The following RYR2 variants were observed in gnomAD, a reference collection of about 807,000 sequenced individuals.
RYR2 encodes the protein cardiac muscle ryanodine receptor-calcium release channel.
In RYR2, 227 loss-of-function variants were observed where a neutral mutation model predicts 601.1. The ratio of observed to expected loss-of-function variants is 0.38; its 90% CI spans 0.34 to 0.42. The LOEUF is 0.42. Ranked by LOEUF, RYR2 falls within the 10% of genes least tolerant of loss-of-function variation. The probability of loss-of-function intolerance (pLI) is 1.00; values close to 1 mark genes in which losing one functional copy is unlikely to be tolerated. For synonymous variants in RYR2, 2,223 were observed against 2,175.1 expected (o/e 1.02, Z -0.61); for missense variants, 4,646 against 6,156.5 (o/e 0.75, Z 8.21).
chr1:237,800,140 A>AAAT (rs1659788248), intron 97 of RYR2: 1 of 152,340 alleles, frequency 6.6e-6, no homozygotes, highest in African/African-American at 2.4e-5. Flanking sequence ...TAGAGATGGA[A>AAAT]AATAACTCAT....
intron 12 of RYR2, among the ~76,000 whole-genome samples, chr1:237,436,878 G>A (rs990994950): frequency 6.7e-6 from 1 of 148,850 alleles, no homozygotes; most frequent in South Asian, 2.2e-4. Context: ...TATATATCTA[G>A]TATGTATATA....
At chr1:237,293,697 A>G (rs1201885515) in intron 2 of RYR2, among the ~76,000 whole-genome samples, 11 of 152,208 alleles carry the variant, frequency 7.2e-5, no homozygotes, top group Admixed American at 7.2e-4. Flanking sequence ...GAACACTCAG[A>G]TGGAAGAGAT....
intron 1 of RYR2, among the ~76,000 whole-genome samples, chr1:237,048,273 A>T (rs1660836274): frequency 6.6e-6 from 1 of 152,136 alleles, no homozygotes; most frequent in Non-Finnish European, 1.5e-5. Flanking sequence ...GGAGTGGCTC[A>T]ATGCATTTGT....
chr1:237,514,743 C>A (rs1160409657), intron 24 of RYR2, among the ~76,000 whole-genome samples: 2 of 152,292 alleles, frequency 1.3e-5, no homozygotes, highest in African/African-American at 4.8e-5. Context: ...GCTGGAGTCA[C>A]TCAACTCCTC....
At chr1:237,290,683 A>G (rs533104767) in intron 2 of RYR2, among the ~76,000 whole-genome samples, 1 of 152,322 alleles carries the variant, frequency 6.6e-6, no homozygotes, top group South Asian at 2.1e-4. Flanking sequence ...CAGCACTACC[A>G]CCAACAACGA....
intron 10 of RYR2, among the ~76,000 whole-genome samples, chr1:237,408,240 T>C (rs1704098711): frequency 6.6e-6 from 1 of 151,962 alleles, no homozygotes; most frequent in Admixed American, 6.6e-5. Context: ...TAGTGGAAGG[T>C]GTCAGGTGTG....
intron 2 of RYR2, among the ~76,000 whole-genome samples, chr1:237,274,913 C>T (rs1012132285): frequency 3.3e-5 from 5 of 151,848 alleles, no homozygotes; most frequent in African/African-American, 9.7e-5. Context: ...TAGGCTATAC[C>T]GTACATACCT....
At chr1:237,669,345 A>G (rs548287033) in intron 58 of RYR2, among the ~76,000 whole-genome samples, 11 of 152,126 alleles carry the variant, frequency 7.2e-5, no homozygotes, top group Non-Finnish European at 1.5e-4. Context: ...TCTCTATTCC[A>G]CAAAACCGCC....
chr1:237,696,294 G>A (rs1250316170), intron 63 of RYR2, among the ~76,000 whole-genome samples: 1 of 152,148 alleles, frequency 6.6e-6, no homozygotes, highest in Non-Finnish European at 1.5e-5. Flanking sequence ...CTGATTAATA[G>A]TGGCATAGGA....
chr1:237,265,749 C>A (rs1204073379), intron 1 of RYR2, among the ~76,000 whole-genome samples: 1 of 152,148 alleles, frequency 6.6e-6, no homozygotes, highest in African/African-American at 2.4e-5. Context: ...AGGGAGTGTG[C>A]AGTGTGGAGA....
intron 29 of RYR2, among the ~76,000 whole-genome samples, chr1:237,573,581 A>G (rs2148312293): frequency 6.7e-6 from 1 of 149,750 alleles, no homozygotes; most frequent in Non-Finnish European, 1.5e-5. Flanking sequence ...TTCCAGAACT[A>G]GATGGCGGAT....
intron 2 of RYR2, among the ~76,000 whole-genome samples, chr1:237,324,327 C>G (rs1203310430): frequency 4.6e-5 from 7 of 152,176 alleles, no homozygotes; most frequent in African/African-American, 1.4e-4. Context: ...ACCACTTTAT[C>G]TTTCGGAGGA....
At chr1:237,354,647 T>C (rs1488612116) in intron 3 of RYR2, among the ~76,000 whole-genome samples, 1 of 152,006 alleles carries the variant, frequency 6.6e-6, no homozygotes, top group African/African-American at 2.4e-5. Flanking sequence ...TGCCCCAGGA[T>C]CTAAAGGAAT....
chr1:237,830,175 C>T, intron 102 of RYR2: 1 of 205,676 alleles, frequency 4.9e-6, no homozygotes, highest in Admixed American at 5.7e-5. Context: ...ACAGTTAATC[C>T]TGCTTAGATA....
At chr1:237,586,435 C>A (rs1674535966) in intron 29 of RYR2, among the ~76,000 whole-genome samples, 1 of 152,120 alleles carries the variant, frequency 6.6e-6, no homozygotes, top group Non-Finnish European at 1.5e-5. Context: ...AAAACTATAA[C>A]CCTAAGGGGC....
chr1:237,196,648 T>C (rs1680602487), intron 1 of RYR2, among the ~76,000 whole-genome samples: 1 of 152,156 alleles, frequency 6.6e-6, no homozygotes, highest in Admixed American at 6.5e-5. Flanking sequence ...TTTGCAAGTC[T>C]GGGCCAGTAT....
chr1:237,389,738 ATGGAGTTAAACTT>A (rs1702229181), intron 10 of RYR2, among the ~76,000 whole-genome samples: 1 of 152,178 alleles, frequency 6.6e-6, no homozygotes, highest in Non-Finnish European at 1.5e-5. Context: ...GCTATGAAAG[ATGGAGTTAAACTT>A]TGGTTACAGA....
chr1:237,609,049 TTG>T, intron 35 of RYR2, among the ~76,000 whole-genome samples: 2 of 142,540 alleles, frequency 1.4e-5, no homozygotes, highest in African/African-American at 2.6e-5. Context: ...CCTTCCTTCC[TTG>T]TCCCTGTCCC....
At chr1:237,471,638 G>C (rs1660735751) in intron 17 of RYR2, among the ~76,000 whole-genome samples, 1 of 151,488 alleles carries the variant, frequency 6.6e-6, no homozygotes, top group African/African-American at 2.5e-5. Flanking sequence ...AAAACAGAGA[G>C]AGAAAAGACA....
Sources: gnomAD v4.1 joint callset for allele counts (sites outside exome capture counted in the v4.1 genomes callset) on GRCh38, gnomAD v4.1.1 for gene constraint, MANE v1.5 for transcripts, NCBI Gene and HGNC (gene_info 2026-07-23, HGNC 2026-07-21) for gene names.